TBC1D22A: variants seen among roughly 807,000 people sequenced by gnomAD.
TBC1D22A encodes putative GTPase activator.
In TBC1D22A, 38 loss-of-function variants were observed where a neutral mutation model predicts 60.2. The ratio of observed to expected loss-of-function variants is 0.63; its 90% CI spans 0.49 to 0.83. The LOEUF (loss-of-function observed/expected upper bound fraction) is 0.83. TBC1D22A is among the 40% of genes least tolerant of loss of function. The pLI, the probability that TBC1D22A is intolerant of heterozygous loss-of-function variation, is 0.00. For synonymous variants in TBC1D22A, 302 were observed against 281.7 expected (o/e 1.07, Z -0.72); for missense variants, 628 against 701.0 (o/e 0.90, Z 1.18).
At chr22:46,852,398 C>T (rs1299458781) in intron 4 of TBC1D22A, among the ~76,000 whole-genome samples, 1 of 152,194 alleles carries the variant, frequency 6.6e-6, no homozygotes, top group Non-Finnish European at 1.5e-5. Context: ...TTCAGCGACA[C>T]CATTCACATG....
At chr22:46,956,972 C>T (rs1016725249) in intron 8 of TBC1D22A, among the ~76,000 whole-genome samples, 1 of 152,344 alleles carries the variant, frequency 6.6e-6, no homozygotes, top group African/African-American at 2.4e-5. Context: ...ACAAGGAACC[C>T]AGGGAAAGGC....
intron 12 of TBC1D22A, among the ~76,000 whole-genome samples, chr22:47,159,497 A>G (rs1316236775): frequency 6.6e-6 from 1 of 151,716 alleles, no homozygotes; most frequent in African/African-American, 2.4e-5. Flanking sequence ...GACAACACAT[A>G]CACGACATGC....
At chr22:47,093,483 G>T (rs964633793) in intron 11 of TBC1D22A, among the ~76,000 whole-genome samples, 2 of 152,114 alleles carry the variant, frequency 1.3e-5, no homozygotes, top group Admixed American at 1.3e-4. Context: ...GGGCTGCCTT[G>T]TTCACTCTCC....
chr22:46,800,940 C>T (rs771619264), intron 4 of TBC1D22A, among the ~76,000 whole-genome samples: 1 of 152,150 alleles, frequency 6.6e-6, no homozygotes, highest in Non-Finnish European at 1.5e-5. Context: ...GAACCCTGTG[C>T]TGGGTCAGGC....
At chr22:46,826,040 G>A (rs1402469853) in intron 4 of TBC1D22A, among the ~76,000 whole-genome samples, 2 of 151,948 alleles carry the variant, frequency 1.3e-5, no homozygotes, top group Non-Finnish European at 2.9e-5. Context: ...CCACCACCAC[G>A]CCTGGCTAAT....
At chr22:47,168,744 C>T (rs1308625291) in intron 12 of TBC1D22A, among the ~76,000 whole-genome samples, 2 of 149,280 alleles carry the variant, frequency 1.3e-5, no homozygotes, top group African/African-American at 4.9e-5. Flanking sequence ...GTCACCGTCT[C>T]ACCCTTCCTG....
At chr22:47,003,033 T>G (rs548277904) in intron 10 of TBC1D22A, among the ~76,000 whole-genome samples, 1 of 152,184 alleles carries the variant, frequency 6.6e-6, no homozygotes, top group East Asian at 1.9e-4. Context: ...TAGTAAAAAA[T>G]GGAAACAACT....
chr22:46,867,261 A>G (rs915536929), intron 4 of TBC1D22A, among the ~76,000 whole-genome samples: 1 of 152,210 alleles, frequency 6.6e-6, no homozygotes, highest in Non-Finnish European at 1.5e-5. Flanking sequence ...AGGATGCTGT[A>G]TATGCTGCTG....
chr22:46,901,502 A>G (rs1406107487), intron 7 of TBC1D22A, among the ~76,000 whole-genome samples: 2 of 152,244 alleles, frequency 1.3e-5, no homozygotes, highest in African/African-American at 4.8e-5. Context: ...TATTTGAATG[A>G]GGTGAATGTT....
At chr22:46,816,286 G>C (rs1418869924) in intron 4 of TBC1D22A, among the ~76,000 whole-genome samples, 2 of 152,210 alleles carry the variant, frequency 1.3e-5, no homozygotes, top group Non-Finnish European at 2.9e-5. Flanking sequence ...TATCACAGGG[G>C]CGGGATTGGG....
chr22:46,983,152 A>G (rs1035862664), intron 9 of TBC1D22A, among the ~76,000 whole-genome samples: 1 of 152,194 alleles, frequency 6.6e-6, no homozygotes, highest in African/African-American at 2.4e-5. Flanking sequence ...TTGTGGTGCA[A>G]TGGGTGGCTT....
chr22:46,954,714 G>A (rs966016745), intron 8 of TBC1D22A, among the ~76,000 whole-genome samples: 3 of 152,302 alleles, frequency 2.0e-5, no homozygotes, highest in African/African-American at 7.2e-5. Context: ...AGTGAAATGG[G>A]TCATCTACCC....
At chr22:47,091,457 G>T (rs1427779792) in intron 11 of TBC1D22A, among the ~76,000 whole-genome samples, 2 of 149,902 alleles carry the variant, frequency 1.3e-5, no homozygotes, top group Non-Finnish European at 3.0e-5. Flanking sequence ...ATAGAGACAG[G>T]CACGAGAAGT....
chr22:47,105,151 T>TA (rs758184694), intron 11 of TBC1D22A, among the ~76,000 whole-genome samples: 2 of 151,408 alleles, frequency 1.3e-5, no homozygotes, highest in Non-Finnish European at 2.9e-5. Context: ...TCGTCAATAA[T>TA]ATCATAAAAA....
chr22:47,167,818 G>A (rs369998712), intron 12 of TBC1D22A, among the ~76,000 whole-genome samples: 2 of 152,168 alleles, frequency 1.3e-5, no homozygotes, highest in Non-Finnish European at 2.9e-5. Context: ...TGGGTAAGAC[G>A]GGGATGGAAG....
intron 8 of TBC1D22A, among the ~76,000 whole-genome samples, chr22:46,965,865 G>A (rs2073776795): frequency 1.3e-5 from 2 of 152,142 alleles, no homozygotes; most frequent in African/African-American, 4.8e-5. Context: ...AGCAGTGCTG[G>A]GCCAGCAGGC....
At chr22:47,118,155 G>C (rs186912997) in intron 12 of TBC1D22A, among the ~76,000 whole-genome samples, 54 of 152,232 alleles carry the variant, frequency 3.5e-4, no homozygotes, top group African/African-American at 1.3e-3. Context: ...GGTGGATTGT[G>C]AATCTGAATG....
intron 1 of TBC1D22A, among the ~76,000 whole-genome samples, chr22:46,771,111 C>T (rs757132637): frequency 6.6e-6 from 1 of 152,106 alleles, no homozygotes; most frequent in African/African-American, 2.4e-5. Context: ...CTTACATATT[C>T]GTCTGATAGA....
At chr22:47,150,806 G>C (rs560876121) in intron 12 of TBC1D22A, among the ~76,000 whole-genome samples, 6 of 152,138 alleles carry the variant, frequency 3.9e-5, no homozygotes, top group African/African-American at 1.4e-4. Flanking sequence ...CACCCACGGG[G>C]CTCCCGTGCG....
Sources: gnomAD v4.1 joint callset for allele counts (sites outside exome capture counted in the v4.1 genomes callset) on GRCh38, gnomAD v4.1.1 for gene constraint, MANE v1.5 for transcripts, NCBI Gene and HGNC (gene_info 2026-07-23, HGNC 2026-07-21) for gene names.